MIB2: variants seen among roughly 807,000 people sequenced by gnomAD.
MIB2 encodes MIB E3 ubiquitin protein ligase 2.
Under a neutral mutation model 96.6 loss-of-function variants are expected in MIB2, and 78 were observed. That is an observed-to-expected ratio of 0.81 (90% CI 0.67 to 0.97). MIB2 has a LOEUF of 0.97. Ranked by LOEUF, MIB2 falls within the 50% of genes least tolerant of loss-of-function variation. The probability of loss-of-function intolerance (pLI) is 0.00; values close to 1 mark genes in which losing one functional copy is unlikely to be tolerated. For missense variants in MIB2, 1,543 were observed against 1,424.0 expected, an observed-to-expected ratio of 1.08 and a Z score of -1.35; for synonymous variants, 820 against 629.5, an observed-to-expected ratio of 1.30 and a Z score of -4.53.
rs775355732 is a variant in MIB2 at position 1,629,484 on chromosome 1, C to T, written c.2481C>T (p.Pro827=). 12 of 1,532,874 alleles carry T rather than the reference C, an allele frequency of 7.8e-6. No homozygotes were observed. The South Asian group carries it at 1.1e-4, about 14-fold the overall frequency. 95.0% of individuals were successfully genotyped at this position (1,532,874 alleles called of 1,614,324 possible). A position where few individuals can be genotyped will look rare whatever the true frequency, so the allele number is the denominator to read the frequency against. The change falls in exon 18 of 20, where the codon CCC becomes CCT. Residue 827 remains proline, a synonymous_variant. Coordinates refer to ENST00000355826, the MANE Select transcript of MIB2 (RefSeq NM_001170687.4). ...TGCACGTGGGCGCCGCGCCGGGGCC[C>T]GAGGCCGCTGAGTGCCTGGTGTGCT... ...TNLHVGAAPG[P]EAAECLVCSE...
Position 1,628,001 on chromosome 1 carries a change from C to A in MIB2, c.1681-18C>A, listed in dbSNP as rs1160549562. ...AGCAGAAGTCACCCCCAGGTGACCACTGACTCCGCCCCAGCAGGACGCCCA... is the reference window on the plus strand; with the variant it reads ...AGCAGAAGTCACCCCCAGGTGACCAATGACTCCGCCCCAGCAGGACGCCCA... On this transcript the variant is annotated intron_variant, in intron 13 of 19. Transcript: ENST00000355826. 2 of 1,611,674 alleles carry A rather than the reference C, an allele frequency of 1.2e-6. No homozygotes were observed. The highest frequency in any genetic ancestry group is 4.5e-5 in the East Asian group (2 of 44,832).
At chr1:1,630,259 C>T in intron 19 of MIB2, 33 bp from the exon 20 acceptor site, 1 of 1,047,340 alleles carries the variant, frequency 9.5e-7, no homozygotes, top group South Asian at 1.8e-5. Flanking sequence ...CCCCACCCGG[C>T]CTCCCAGCTC....
chr1:1,626,426 G>C lies in MIB2; in HGVS notation c.973-224G>C. 1.9e-6 allele frequency: 1 copy of C among 535,460 alleles called. No individual in the cohort carries two copies. The highest frequency in any genetic ancestry group is 3.3e-6 in the Non-Finnish European group (1 of 305,372). 33.2% of individuals were successfully genotyped at this position (535,460 alleles called of 1,614,324 possible). The stretch of plus-strand genomic sequence containing the variant: ...CCCAGAGCTGGCTTCTGTCTGCCTG[G>C]ACACTCCTCCCATGGCTCTGGGGCT... On this transcript the variant is annotated intron_variant, in intron 8 of 19. Transcript: ENST00000355826. This position sits in a 1 kb window ranked among gnomAD's most constrained non-coding sequence, Gnocchi z 5.3.
At chr1:1,628,762 G>T in intron 16 of MIB2, 40 bp downstream of exon 16, 1 of 1,431,178 alleles carries the variant, frequency 7.0e-7, no homozygotes. Flanking sequence ...AGGCTGCGGT[G>T]GCGCCGGCAG....
At chr1:1,624,034 G>T in intron 4 of MIB2, 89 bp downstream of exon 4, 1 of 1,413,460 alleles carries the variant, frequency 7.1e-7, no homozygotes, top group East Asian at 2.5e-5. Flanking sequence ...GCTGCCTCCT[G>T]ACCGCTCCCA....
chr1:1,625,224 C>A lies in MIB2; in HGVS notation c.721+39C>A. ...ACACTGACTCCATCAGCCCTCCTGC[C>A]TTGGCTGAAGTCCCAGAGGGGAGGG... On this transcript the variant is annotated intron_variant, in intron 6 of 19. Coordinates refer to ENST00000355826, the MANE Select transcript of MIB2 (RefSeq NM_001170687.4). This position sits in a 1 kb window ranked among gnomAD's most constrained non-coding sequence, Gnocchi z 5.0. 6.2e-7 allele frequency: 1 copy of A among 1,602,832 alleles called. No individual in the cohort carries two copies. The highest frequency in any genetic ancestry group is 8.5e-7 in the Non-Finnish European group (1 of 1,174,672).
At chr1:1,621,357 C>T (rs1323296382) in intron 2 of MIB2, among the ~76,000 whole-genome samples, 3 of 152,212 alleles carry the variant, frequency 2.0e-5, no homozygotes, top group Non-Finnish European at 2.9e-5. Context: ...TGCAGGAGGC[C>T]GTGGGGAGGG....
chr1:1,629,933 C>T (rs1638467803), intron 19 of MIB2, among the ~76,000 whole-genome samples: 1 of 147,614 alleles, frequency 6.8e-6, no homozygotes, highest in Non-Finnish European at 1.5e-5. Flanking sequence ...CCTCCCCCAT[C>T]ACACCCCAGC....
chr1:1,627,832 G>A lies in MIB2; in HGVS notation c.1680+3G>A. On this transcript the variant is annotated splice_donor_region_variant and intron_variant, in intron 13 of 19. Coordinates refer to ENST00000355826, the MANE Select transcript of MIB2 (RefSeq NM_001170687.4). ...GCGGCTGTGACGTCAACCTGCCCGT[G>A]AGTGCTGCTCCCTGGCCTGGGTGCC... is the stretch of plus-strand genomic sequence containing the variant. 4 of 1,593,168 alleles carry A rather than the reference G, an allele frequency of 2.5e-6. No individual in the cohort carries two copies. Among genetic ancestry groups the A allele is most frequent in the Middle Eastern group, 1.7e-4 (1 of 5,814 alleles).
chr1:1,628,842 C>A, intron 16 of MIB2, 120 bp downstream of exon 16: 1 of 962,386 alleles, frequency 1.0e-6, no homozygotes, highest in Non-Finnish European at 1.5e-6. Context: ...GCCAGGCGTT[C>A]TGGGGGTGGA....
At chr1:1,627,042 C>T in intron 10 of MIB2, 32 bp from the exon 11 acceptor site, 1 of 1,603,782 alleles carries the variant, frequency 6.2e-7, no homozygotes, top group Non-Finnish European at 8.5e-7. Context: ...GGGGCTGCCC[C>T]TGGCCACCAC....
chr1:1,621,634 G>C (rs1161868527), intron 2 of MIB2, among the ~76,000 whole-genome samples: 1 of 152,254 alleles, frequency 6.6e-6, no homozygotes, highest in Non-Finnish European at 1.5e-5. Flanking sequence ...CTTAGTCACT[G>C]ACAGGGAGAG....
At chr1:1,629,341 C>T (rs1350875406) in intron 17 of MIB2, 30 bp downstream of exon 17, 1 of 1,444,796 alleles carries the variant, frequency 6.9e-7, no homozygotes, top group Non-Finnish European at 9.0e-7. Context: ...GGATGGGGTC[C>T]GGCGGCCTCC....
rs1319750798 is a variant in MIB2 at position 1,629,480 on chromosome 1, G to A, written c.2477G>A (p.Gly826Glu). The A allele has an allele frequency of 1.3e-6, 2 of 1,531,654 alleles. No homozygotes were observed. The highest frequency in any genetic ancestry group is 2.0e-5 in the Admixed American group (1 of 50,734). The allele number at this position is 1,531,654 out of a possible 1,614,324, so 94.9% of individuals were successfully genotyped here. ...AACCTGCACGTGGGCGCCGCGCCGG[G>A]GCCCGAGGCCGCTGAGTGCCTGGTG... Reference protein sequence around the residue: ...VTNLHVGAAPGPEAAECLVCS... With the variant: ...VTNLHVGAAPEPEAAECLVCS... The change falls in exon 18 of 20, where the codon GGG becomes GAG. Residue 826 changes from glycine (G) to glutamate (E), a missense_variant. By Grantham distance (98) the Gly-to-Glu change is moderately conservative. Coordinates refer to ENST00000355826, the MANE Select transcript of MIB2 (RefSeq NM_001170687.4).
chr1:1,623,526 A>G lies in MIB2; in HGVS notation c.74A>G (p.Gln25Arg), dbSNP rs1026529922. ...VVRGVDWKWGQQDGGEGGVGT... is the reference protein window; with the variant it reads ...VVRGVDWKWGRQDGGEGGVGT... ...CGCGGCGTGGACTGGAAGTGGGGCC[A>G]GCAGGACGGCGGCGAGGGCGGCGTG... The change falls in exon 3 of 20, where the codon CAG becomes CGG. Residue 25 changes from glutamine to arginine, a missense_variant. Physicochemically the swap from Gln to Arg is conservative, Grantham distance 43. Coordinates refer to ENST00000355826, the MANE Select transcript of MIB2 (RefSeq NM_001170687.4). 1.3e-6 allele frequency: 2 copies of G among 1,551,286 alleles called. No homozygotes were observed. Among genetic ancestry groups the G allele is most frequent in the African/African-American group, 2.7e-5 (2 of 72,758 alleles).
At chr1:1,615,299 CTA>C, upstream of MIB2, 1 of 1,362,770 alleles carries the variant, frequency 7.3e-7, no homozygotes, top group Non-Finnish European at 9.5e-7. Context: ...GCCCCCGTCT[CTA>C]TGGCAACCGA....
chr1:1,628,410 G>C lies in MIB2; in HGVS notation c.1968+11G>C, dbSNP rs185688778. Reference sequence around the variant, plus strand: ...ATCCTCATCCGGGAGGTGCGGACGCGGCCCAGTCCTGCCCAAGGACCGGGG... The same window carrying C: ...ATCCTCATCCGGGAGGTGCGGACGCCGCCCAGTCCTGCCCAAGGACCGGGG... On this transcript the variant is annotated intron_variant, in intron 15 of 19. Transcript: ENST00000355826. The C allele has an allele frequency of 1.9e-6, 3 of 1,609,288 alleles. No individual in the cohort carries two copies. The highest frequency in any genetic ancestry group is 1.1e-5 in the South Asian group (1 of 90,928).
chr1:1,629,928 C>T (rs572354217), intron 19 of MIB2, among the ~76,000 whole-genome samples: 40 of 148,446 alleles, frequency 2.7e-4, no homozygotes, highest in Non-Finnish European at 1.8e-4. Flanking sequence ...ACCCTCCTCC[C>T]CCATCACACC....
intron 1 of MIB2, chr1:1,616,172 G>T: frequency 1.1e-6 from 1 of 908,888 alleles, no homozygotes; most frequent in Non-Finnish European, 1.3e-6. Context: ...GGGCACGAAT[G>T]ACAGGGGGCG....
Sources: allele counts gnomAD v4.1 joint callset (sites outside exome capture counted in the v4.1 genomes callset), GRCh38; gene constraint gnomAD v4.1.1; non-coding constraint Gnocchi (gnomAD v3.1); transcripts MANE v1.5; gene names NCBI Gene and HGNC (gene_info 2026-07-23, HGNC 2026-07-21).